ERBB4: variants seen among roughly 807,000 people sequenced by gnomAD.
ERBB4 encodes receptor tyrosine-protein kinase erbB-4.
Under a neutral mutation model 158.0 loss-of-function variants are expected in ERBB4, and 42 were observed. The ratio of observed to expected loss-of-function variants is 0.27; its 90% CI spans 0.21 to 0.34. ERBB4 has a LOEUF of 0.34. Ranked by LOEUF, ERBB4 falls within the 10% of genes least tolerant of loss-of-function variation. The probability of loss-of-function intolerance (pLI) is 1.00; values close to 1 mark genes in which losing one functional copy is unlikely to be tolerated. For synonymous variants in ERBB4, 583 were observed against 558.7 expected (o/e 1.04, Z -0.61); for missense variants, 1,333 against 1,624.1 (o/e 0.82, Z 3.08).
At chr2:212,040,857 T>C (rs1188217540) in intron 2 of ERBB4, among the ~76,000 whole-genome samples, 1 of 152,164 alleles carries the variant, frequency 6.6e-6, no homozygotes, top group Non-Finnish European at 1.5e-5. Context: ...CTTTTGCGTA[T>C]TTAATTGCTT....
intron 1 of ERBB4, among the ~76,000 whole-genome samples, chr2:212,149,279 T>C (rs1034846863): frequency 1.3e-5 from 2 of 152,322 alleles, no homozygotes; most frequent in East Asian, 1.9e-4. Flanking sequence ...AAGCCTCCAA[T>C]TGCTGCCTGG....
At chr2:212,009,949 T>C (rs185017641) in intron 2 of ERBB4, among the ~76,000 whole-genome samples, 4 of 152,346 alleles carry the variant, frequency 2.6e-5, no homozygotes, top group Admixed American at 1.3e-4. Flanking sequence ...CTAATTCACC[T>C]ATCCCTCATA....
At position 211,377,480 on chromosome 2, in the gene ERBB4, G is replaced by C. The variant is rs1361208045; in HGVS notation, c.*6135C>G. The C allele has an allele frequency of 4.3e-6, 1 of 232,842 alleles. No individual in the cohort carries two copies. The highest frequency in any genetic ancestry group is 2.2e-5 in the African/African-American group (1 of 45,284). The allele number at this position is 232,842 out of a possible 1,614,324, so 14.4% of individuals were successfully genotyped here. On this transcript the variant is annotated 3_prime_UTR_variant, in exon 28 of 28. Coordinates refer to ENST00000342788, the MANE Select transcript of ERBB4 (RefSeq NM_005235.3). ...AAAACGTCCATAAAGAGCAAAAGTA[G>C]GTAAAGGATGGCATTCTATTAAACA...
At position 211,387,058 on chromosome 2, in the gene ERBB4, A is replaced by G. The variant is rs2125319851; in HGVS notation, c.3276T>C (p.Pro1092=). ...RAPTSTIPEA[P]VAQGATAEIF... is the part of the protein sequence containing the mutation. ...TCTCAGCAGTAGCACCCTGTGCCAC[A>G]GGAGCTTCTGGAATTGTGCTAGTTG... The change falls in exon 27 of 28, where the codon CCT becomes CCC. Residue 1092 remains proline (P), a synonymous_variant. Coordinates refer to ENST00000342788, the MANE Select transcript of ERBB4 (RefSeq NM_005235.3). 6.2e-7 allele frequency: 1 copy of G among 1,614,080 alleles called. No homozygotes were observed.
At chr2:212,153,616 T>C (rs1488048475) in intron 1 of ERBB4, among the ~76,000 whole-genome samples, 1 of 152,178 alleles carries the variant, frequency 6.6e-6, no homozygotes, top group Non-Finnish European at 1.5e-5. Context: ...CCATAGGTTA[T>C]TACAAAAGTA....
intron 20 of ERBB4, among the ~76,000 whole-genome samples, chr2:211,493,164 T>G (rs73985451): frequency 0.08 from 12,234 of 152,116 alleles, 508 homozygotes; most frequent in Middle Eastern, 0.15. Context: ...TCGAACCATT[T>G]TTTTCCTTCA....
chr2:211,964,565 T>C (rs1331378581), intron 2 of ERBB4, among the ~76,000 whole-genome samples: 1 of 152,206 alleles, frequency 6.6e-6, no homozygotes, highest in Admixed American at 6.5e-5. Flanking sequence ...ACCTCTCTTG[T>C]CTAGAACTTG....
chr2:212,301,454 C>T (rs1278712030), intron 1 of ERBB4, among the ~76,000 whole-genome samples: 1 of 151,406 alleles, frequency 6.6e-6, no homozygotes, highest in East Asian at 1.9e-4. Flanking sequence ...TGTAATACAT[C>T]TCACAAATTT....
At chr2:212,399,100 G>A (rs188344487) in intron 1 of ERBB4, among the ~76,000 whole-genome samples, 34 of 151,752 alleles carry the variant, frequency 2.2e-4, no homozygotes, top group African/African-American at 8.2e-4. Flanking sequence ...CCACCACCAC[G>A]CCTGACTAAT....
At chr2:211,705,049 T>C (rs1353025144) in intron 10 of ERBB4, among the ~76,000 whole-genome samples, 4 of 152,176 alleles carry the variant, frequency 2.6e-5, no homozygotes, top group African/African-American at 7.2e-5. Flanking sequence ...CTCCACCTCC[T>C]GGGTTCAAGC....
intron 1 of ERBB4, among the ~76,000 whole-genome samples, chr2:212,439,154 C>T (rs1290257639): frequency 1.3e-5 from 2 of 152,088 alleles, no homozygotes; most frequent in East Asian, 3.8e-4. Context: ...ATAGTGTGTA[C>T]AAGTCCTTGC....
intron 2 of ERBB4, among the ~76,000 whole-genome samples, chr2:212,060,349 T>G (rs563276851): frequency 1.3e-3 from 197 of 151,812 alleles, no homozygotes; most frequent in African/African-American, 4.3e-3. Flanking sequence ...GGAACACTTT[T>G]ACACTGTTGG....
chr2:212,054,916 T>G (rs942921748), intron 2 of ERBB4, among the ~76,000 whole-genome samples: 3 of 152,120 alleles, frequency 2.0e-5, no homozygotes, highest in African/African-American at 7.2e-5. Context: ...AAATGAGGTA[T>G]CAGGTTCATC....
chr2:212,052,715 G>T (rs2077434437), intron 2 of ERBB4, among the ~76,000 whole-genome samples: 1 of 152,120 alleles, frequency 6.6e-6, no homozygotes, highest in Non-Finnish European at 1.5e-5. Context: ...TGACTCACAG[G>T]CAAGGGACTA....
At chr2:212,479,781 C>A (rs1463444324) in intron 1 of ERBB4, among the ~76,000 whole-genome samples, 3 of 152,050 alleles carry the variant, frequency 2.0e-5, no homozygotes, top group East Asian at 1.9e-4. Flanking sequence ...TGGTGGAAAC[C>A]ATTAGCTCTA....
intron 1 of ERBB4, among the ~76,000 whole-genome samples, chr2:212,325,772 GTAAA>G (rs2087797682): frequency 6.6e-6 from 1 of 150,492 alleles, no homozygotes; most frequent in Admixed American, 6.6e-5. Flanking sequence ...CAGCACAAAG[GTAAA>G]GGTGTGAAAT....
intron 1 of ERBB4, among the ~76,000 whole-genome samples, chr2:212,152,534 T>C (rs2080904284): frequency 1.3e-5 from 2 of 152,186 alleles, no homozygotes; most frequent in African/African-American, 4.8e-5. Flanking sequence ...AAATATTTGC[T>C]TGTAGAACTT....
Position 211,688,553 on chromosome 2 carries a change from T to C in ERBB4, c.1490-9369A>G, listed in dbSNP as rs148855527. Reference sequence around the variant, plus strand: ...TATTGTTTCATCTATTTTGTCCTTTTTTTGATTGTTTCATGAGGCAGGGTA... The same window carrying C: ...TATTGTTTCATCTATTTTGTCCTTTCTTTGATTGTTTCATGAGGCAGGGTA... On this transcript the variant is annotated intron_variant, in intron 12 of 27. Transcript: ENST00000342788. Among the ~76,000 whole-genome samples the C allele has an allele frequency of 5.1e-3, 781 of 152,320 alleles. 8 individuals are homozygous for C. Among genetic ancestry groups the C allele is most frequent in the Middle Eastern group, 6.8e-3 (2 of 294 alleles).
At chr2:211,562,371 A>G (rs1245516512) in intron 19 of ERBB4, among the ~76,000 whole-genome samples, 1 of 152,238 alleles carries the variant, frequency 6.6e-6, no homozygotes, top group Non-Finnish European at 1.5e-5. Flanking sequence ...AATATGAGCA[A>G]TATGAGATTT....
Sources: gnomAD v4.1 joint callset for allele counts (sites outside exome capture counted in the v4.1 genomes callset) on GRCh38, gnomAD v4.1.1 for gene constraint, MANE v1.5 for transcripts, NCBI Gene and HGNC (gene_info 2026-07-23, HGNC 2026-07-21) for gene names.